The following GFRAL variants were observed in gnomAD, a reference collection of about 807,000 sequenced individuals.
GFRAL encodes GDNF family receptor alpha-like.
In GFRAL, 36 loss-of-function variants were observed where a neutral mutation model predicts 45.4. The ratio of observed to expected loss-of-function variants is 0.79; its 90% CI spans 0.61 to 1.05. The LOEUF is 1.05. GFRAL is among the 50% of genes least tolerant of loss of function. GFRAL has a pLI of 0.00. For missense variants in GFRAL, 507 were observed against 467.5 expected, an observed-to-expected ratio of 1.08 and a Z score of -0.78; for synonymous variants, 166 against 154.1, an observed-to-expected ratio of 1.08 and a Z score of -0.57.
chr6:55,399,242 A>G lies in GFRAL; in HGVS notation c.1015A>G (p.Ile339Val). ...GTATACAAGAAAACATGCAAACAAA[A>G]TCACTTTAACTGGATTTCATTCCCC... ...ALYTRKHANKITLTGFHSPFN... is the reference protein window; with the variant it reads ...ALYTRKHANKVTLTGFHSPFN... Residue 339 changes from isoleucine (I) to valine (V), a missense_variant, in exon 7 of 9, where the codon ATC (isoleucine) becomes GTC (valine). Physicochemically the swap from Ile to Val is conservative, Grantham distance 29. Transcript: ENST00000340465. 1 of 1,606,966 alleles carries G rather than the reference A, an allele frequency of 6.2e-7. No homozygotes were observed. Among genetic ancestry groups the G allele is most frequent in the Non-Finnish European group, 8.5e-7 (1 of 1,174,834 alleles).
intron 1 of GFRAL, among the ~76,000 whole-genome samples, chr6:55,331,440 T>C (rs1454914927): frequency 6.6e-6 from 1 of 152,040 alleles, no homozygotes; most frequent in Non-Finnish European, 1.5e-5. Flanking sequence ...TTAAGAGCAG[T>C]TTTAATGGAA....
At chr6:55,335,999 T>C (rs1223860915) in intron 3 of GFRAL, among the ~76,000 whole-genome samples, 2 of 152,142 alleles carry the variant, frequency 1.3e-5, no homozygotes, top group Admixed American at 1.3e-4. Context: ...GGCTGGAGCA[T>C]AGTGGCCCAA....
chr6:55,364,566 T>G (rs1159503346), intron 6 of GFRAL, among the ~76,000 whole-genome samples: 4 of 146,228 alleles, frequency 2.7e-5, no homozygotes, highest in African/African-American at 7.9e-5. Context: ...GTTTTTATGG[T>G]TTTAGGTCTA....
chr6:55,370,103 T>TAAA (rs1768431627), intron 6 of GFRAL, among the ~76,000 whole-genome samples: 5 of 152,084 alleles, frequency 3.3e-5, no homozygotes, highest in Non-Finnish European at 7.4e-5. Flanking sequence ...CATTGCTTTT[T>TAAA]GAAAGGATAA....
Position 55,398,526 on chromosome 6 carries a change from G to T in GFRAL, c.953-654G>T, listed in dbSNP as rs188157744. On this transcript the variant is annotated intron_variant, in intron 6 of 8. Transcript: ENST00000340465. ...ATTGTAACAATTGCATCTTTCTGTT[G>T]TTAAAGTAGAAAAGCCAGAGAAAAG... 3.7e-3 allele frequency among the ~76,000 whole-genome samples: 558 copies of T among 152,320 alleles called. 5 individuals carry two copies. Among genetic ancestry groups the T allele is most frequent in the Middle Eastern group, 0.027 (8 of 294 alleles).
At chr6:55,361,819 T>C (rs1768279516) in intron 6 of GFRAL, among the ~76,000 whole-genome samples, 1 of 152,072 alleles carries the variant, frequency 6.6e-6, no homozygotes, top group Non-Finnish European at 1.5e-5. Flanking sequence ...ACAGTATGTT[T>C]CTAAAACCCT....
intron 3 of GFRAL, among the ~76,000 whole-genome samples, chr6:55,343,492 A>G (rs1767997974): frequency 1.3e-5 from 2 of 152,230 alleles, no homozygotes; most frequent in South Asian, 2.1e-4. Flanking sequence ...GAACAAAGTC[A>G]CAACATACCA....
At position 55,331,803 on chromosome 6, in the gene GFRAL, A is replaced by G. The variant is rs2127349524; in HGVS notation, c.111A>G (p.Gly37=). 6.2e-7 allele frequency: 1 copy of G among 1,611,918 alleles called. No individual in the cohort carries two copies. Among genetic ancestry groups the G allele is most frequent in the Non-Finnish European group, 8.5e-7 (1 of 1,179,086 alleles). Residue 37 remains glycine, a synonymous_variant, in exon 2 of 9, where the codon GGA becomes GGG. Coordinates refer to ENST00000340465, the MANE Select transcript of GFRAL (RefSeq NM_207410.2). ...AGCAATGCTTACGTGATGCAAATGG[A>G]TGTAAACATGCTTGGAGAGTAATGG... The part of the protein sequence containing the change: ...LREQCLRDAN[G]CKHAWRVMED...
At chr6:55,333,683 A>G (rs535955550) in intron 2 of GFRAL, 103 bp from the exon 3 acceptor site, 204 of 427,352 alleles carry the variant, frequency 4.8e-4, no homozygotes, top group Admixed American at 1.3e-3. Context: ...ATCTTACCAT[A>G]TTAATTAATT....
intron 5 of GFRAL, among the ~76,000 whole-genome samples, chr6:55,356,415 C>T (rs9382488): frequency 0.99 from 150,758 of 152,076 alleles, 74,734 homozygotes; most frequent in East Asian, 1. Flanking sequence ...AGGATTTGGA[C>T]TTCTTTATAG....
chr6:55,335,967 C>A (rs114818975), intron 3 of GFRAL, among the ~76,000 whole-genome samples: 1,985 of 147,528 alleles, frequency 0.013, 23 homozygotes, highest in Non-Finnish European at 0.023. Flanking sequence ...GTTTTTGAAA[C>A]AGGGTCTTAT....
At chr6:55,381,706 A>G (rs1048728910) in intron 6 of GFRAL, among the ~76,000 whole-genome samples, 4 of 151,870 alleles carry the variant, frequency 2.6e-5, no homozygotes, top group Non-Finnish European at 4.4e-5. Context: ...TCACTTTTGT[A>G]ATTACATGTT....
At chr6:55,384,433 T>C (rs1768653891) in intron 6 of GFRAL, among the ~76,000 whole-genome samples, 1 of 152,028 alleles carries the variant, frequency 6.6e-6, no homozygotes, top group South Asian at 2.1e-4. Context: ...AAAAGTAGAC[T>C]TGGATAACTG....
At chr6:55,371,714 G>A (rs1333991748) in intron 6 of GFRAL, among the ~76,000 whole-genome samples, 1 of 152,112 alleles carries the variant, frequency 6.6e-6, no homozygotes, top group Non-Finnish European at 1.5e-5. Context: ...TCTGAAATTT[G>A]TTCAGTACTT....
intron 1 of GFRAL, 144 bp from the exon 2 acceptor site, chr6:55,331,571 A>C (rs1767829868): frequency 1.8e-6 from 1 of 552,648 alleles, no homozygotes; most frequent in Admixed American, 3.9e-5. Flanking sequence ...ACAGCTAGAG[A>C]GGAGGTTAAG....
At chr6:55,364,194 A>G (rs906356840) in intron 6 of GFRAL, among the ~76,000 whole-genome samples, 4 of 151,072 alleles carry the variant, frequency 2.6e-5, no homozygotes, top group East Asian at 1.9e-4. Context: ...GCCAGTGATG[A>G]TGAGCATTTT....
At chr6:55,380,201 C>A (rs1191563688) in intron 6 of GFRAL, among the ~76,000 whole-genome samples, 1 of 151,914 alleles carries the variant, frequency 6.6e-6, no homozygotes, top group East Asian at 1.9e-4. Flanking sequence ...AAACTTCATA[C>A]TGTTTTCCAT....
intron 6 of GFRAL, among the ~76,000 whole-genome samples, chr6:55,367,540 T>A (rs1309886560): frequency 1.3e-5 from 2 of 151,046 alleles, no homozygotes; most frequent in African/African-American, 4.9e-5. Context: ...CTAGTCTCGA[T>A]GGTCTTTACA....
chr6:55,370,209 A>G (rs1768433043), intron 6 of GFRAL, among the ~76,000 whole-genome samples: 1 of 152,020 alleles, frequency 6.6e-6, no homozygotes, highest in Non-Finnish European at 1.5e-5. Context: ...AAGAAAAATA[A>G]CATTGTCATG....
Sources: gnomAD v4.1 joint callset for allele counts (sites outside exome capture counted in the v4.1 genomes callset) on GRCh38, gnomAD v4.1.1 for gene constraint, MANE v1.5 for transcripts, NCBI Gene and HGNC (gene_info 2026-07-23, HGNC 2026-07-21) for gene names.